The following ERAP1 variants were observed in gnomAD, a reference collection of about 807,000 sequenced individuals.
ERAP1 encodes adipocyte-derived leucine aminopeptidase.
A neutral mutation model predicts 103.7 loss-of-function variants in ERAP1; 86 were observed. The ratio of observed to expected loss-of-function variants is 0.83; its 90% CI spans 0.70 to 0.99. ERAP1 has a LOEUF of 0.99. Ranked by LOEUF, ERAP1 falls within the 50% of genes least tolerant of loss-of-function variation. The pLI is 0.00. For missense variants in ERAP1, 1,009 were observed against 1,128.4 expected, an observed-to-expected ratio of 0.89 and a Z score of 1.52; for synonymous variants, 398 against 402.4, an observed-to-expected ratio of 0.99 and a Z score of 0.13.
At chr5:96,760,948 A>G (rs759209134) in exon 20 of ERAP1, 32 of 152,252 alleles carry the variant, frequency 2.1e-4, no homozygotes, top group Admixed American at 4.6e-4. Context: ...ACTTTTAGGT[A>G]AGATTAATCC....
chr5:96,930,057 C>G, the ERAP1 span, among the ~76,000 whole-genome samples: 1 of 152,192 alleles, frequency 6.6e-6, no homozygotes, highest in African/African-American at 2.4e-5. Flanking sequence ...ACTAAATTCT[C>G]ATTCATGACA....
the ERAP1 span, among the ~76,000 whole-genome samples, chr5:96,828,618 G>T: frequency 6.6e-6 from 1 of 152,144 alleles, no homozygotes; most frequent in Non-Finnish European, 1.5e-5. Context: ...AGGGTAAAAA[G>T]AGTGGGAGAT....
At chr5:96,891,385 A>ATG in the ERAP1 span, among the ~76,000 whole-genome samples, 16 of 148,654 alleles carry the variant, frequency 1.1e-4, no homozygotes, top group South Asian at 2.1e-4. Context: ...ATATATATAT[A>ATG]TGTGTATACA....
chr5:96,797,704 A>G (rs913957117), intron 3 of ERAP1, among the ~76,000 whole-genome samples: 22 of 152,196 alleles, frequency 1.4e-4, no homozygotes, highest in Non-Finnish European at 2.6e-4. Flanking sequence ...TATCTTTCCA[A>G]TGTCTAATTA....
At chr5:96,887,355 C>T in the ERAP1 span, among the ~76,000 whole-genome samples, 1 of 147,538 alleles carries the variant, frequency 6.8e-6, no homozygotes, top group Non-Finnish European at 1.5e-5. Context: ...GGCTGGAGTG[C>T]AATGATGCTA....
At chr5:96,777,955 A>G (rs1774592753) in intron 18 of ERAP1, among the ~76,000 whole-genome samples, 1 of 152,206 alleles carries the variant, frequency 6.6e-6, no homozygotes, top group South Asian at 2.1e-4. Flanking sequence ...CAGGGATAGG[A>G]AAACAGGTTT....
chr5:96,933,211 C>CTTTTTT, the ERAP1 span, among the ~76,000 whole-genome samples: 285 of 72,788 alleles, frequency 3.9e-3, 4 homozygotes, highest in Non-Finnish European at 4.4e-3. Flanking sequence ...AAAACCACGT[C>CTTTTTT]TTTTTTTTTT....
At chr5:96,786,650 G>A (rs760513540) in intron 11 of ERAP1, 101 bp from the exon 12 acceptor site, 31 of 777,134 alleles carry the variant, frequency 4.0e-5, no homozygotes, top group Admixed American at 1.0e-4. Context: ...TTTAGAACAA[G>A]ATAGTACCAA....
chr5:96,840,158 A>G, the ERAP1 span, among the ~76,000 whole-genome samples: 1 of 152,204 alleles, frequency 6.6e-6, no homozygotes, highest in African/African-American at 2.4e-5. Context: ...ATTCCTAAGG[A>G]CCTCCATCTT....
chr5:96,877,905 A>G, the ERAP1 span, among the ~76,000 whole-genome samples: 1 of 152,206 alleles, frequency 6.6e-6, no homozygotes, highest in Non-Finnish European at 1.5e-5. Flanking sequence ...TGTCACCTGC[A>G]TTAATATTGC....
At chr5:96,896,829 C>A in the ERAP1 span, 27 of 1,227,472 alleles carry the variant, frequency 2.2e-5, no homozygotes, top group East Asian at 2.6e-4. Context: ...TATAGAAATG[C>A]TAAGAATGAT....
intron 17 of ERAP1, among the ~76,000 whole-genome samples, 193 bp downstream of exon 17, chr5:96,780,865 T>A (rs1223307405): frequency 6.6e-6 from 1 of 152,214 alleles, no homozygotes; most frequent in Non-Finnish European, 1.5e-5. Flanking sequence ...ATGGAAAACA[T>A]CCCTGTCCAG....
chr5:96,832,109 A>G, the ERAP1 span, among the ~76,000 whole-genome samples: 2 of 152,192 alleles, frequency 1.3e-5, no homozygotes, highest in South Asian at 4.1e-4. Flanking sequence ...CAGGGGGAGT[A>G]AACTCGCTGA....
In ERAP1 at chr5:96,793,505, C is replaced by T. The variant is rs1012098902; in HGVS notation, c.1083G>A (p.Gly361=). 1.2e-6 allele frequency: 2 copies of T among 1,612,822 alleles called. No individual in the cohort carries two copies. The highest frequency in any genetic ancestry group is 2.2e-5 in the South Asian group (2 of 91,058). The change falls in exon 7 of 19, where the codon GGG becomes GGA. Residue 361 remains glycine (G), a synonymous_variant. Coordinates refer to ENST00000443439, the MANE Select transcript of ERAP1 (RefSeq NM_001040458.3). The part of the protein sequence containing the change: ...VAHELAHQWF[G]NLVTMEWWND... ...TCCACCATTCCATAGTGACCAGGTT[C>T]CCAAACCACTAAAAGCACAACATAA...
chr5:96,909,266 G>T, the ERAP1 span: 29 of 731,984 alleles, frequency 4.0e-5, no homozygotes, highest in East Asian at 7.8e-4. Flanking sequence ...AATGACCCTT[G>T]TTCTTTACCA....
chr5:96,882,434 C>G, the ERAP1 span, among the ~76,000 whole-genome samples: 1 of 152,134 alleles, frequency 6.6e-6, no homozygotes, highest in African/African-American at 2.4e-5. Context: ...TACTCAGTCA[C>G]CTAGTAGGTC....
chr5:96,831,384 G>C, the ERAP1 span, among the ~76,000 whole-genome samples: 4 of 152,168 alleles, frequency 2.6e-5, no homozygotes, highest in African/African-American at 9.7e-5. Context: ...TTTGACATGA[G>C]AGTTGGTGGG....
At chr5:96,935,478 C>T in the ERAP1 span, 1 of 152,786 alleles carries the variant, frequency 6.5e-6, no homozygotes, top group Non-Finnish European at 1.5e-5. Flanking sequence ...CGGCCAACCT[C>T]CCCAGGGAAA....
chr5:96,859,952 C>A, the ERAP1 span, among the ~76,000 whole-genome samples: 1 of 152,156 alleles, frequency 6.6e-6, no homozygotes, highest in African/African-American at 2.4e-5. Context: ...CTTCCCTGAG[C>A]TTGGGCTGGG....
Sources: allele counts gnomAD v4.1 joint callset (sites outside exome capture counted in the v4.1 genomes callset), GRCh38; gene constraint gnomAD v4.1.1; transcripts MANE v1.5; gene names NCBI Gene and HGNC (gene_info 2026-07-23, HGNC 2026-07-21).